Variants in SNX22 observed in about 807,000 individuals in gnomAD.
SNX22 encodes the protein sorting nexin-22.
Under a neutral mutation model 24.7 loss-of-function variants are expected in SNX22, and 23 were observed. The ratio of observed to expected loss-of-function variants is 0.93; its 90% CI spans 0.67 to 1.32. SNX22 has a LOEUF of 1.32. Among genes scored for constraint, SNX22 ranks in the 40% most tolerant of loss-of-function variants. The pLI is 0.00. For missense variants in SNX22, 261 were observed against 249.9 expected, an observed-to-expected ratio of 1.04 and a Z score of -0.30; for synonymous variants, 99 against 104.0, an observed-to-expected ratio of 0.95 and a Z score of 0.29.
At position 64,154,014 on chromosome 15, in the gene SNX22, C is replaced by T; in HGVS notation, c.460+12C>T. On this transcript the variant is annotated intron_variant, in intron 6 of 6. Transcript: ENST00000325881. ...CAACCCCTCCCCAGGTGAGGAGGTG[C>T]CTAGATATGGGGCTACAGGGCTGGG... 1 of 1,614,108 alleles carries T rather than the reference C, an allele frequency of 6.2e-7. No homozygotes were observed. The highest frequency in any genetic ancestry group is 8.5e-7 in the Non-Finnish European group (1 of 1,180,012).
At chr15:64,153,406 G>A (rs1216407534) in intron 4 of SNX22, 67 bp downstream of exon 4, 7 of 1,602,786 alleles carry the variant, frequency 4.4e-6, no homozygotes, top group Admixed American at 3.4e-5. Flanking sequence ...GGTGTTGGAG[G>A]GCAAGCCCTT....
rs1442457931 is a variant in SNX22, at chr15:64,156,986, G to A, written c.*2478G>A. The A allele has an allele frequency of 4.1e-6, 6 of 1,459,328 alleles. No individual in the cohort carries two copies. Among genetic ancestry groups the A allele is most frequent in the Non-Finnish European group, 2.8e-6 (3 of 1,052,774 alleles). 90.4% of individuals were successfully genotyped at this position (1,459,328 alleles called of 1,614,324 possible). A position where few individuals can be genotyped will look rare whatever the true frequency, so the allele number is the denominator to read the frequency against. On this transcript the variant is annotated 3_prime_UTR_variant, in exon 7 of 7. Coordinates refer to ENST00000325881, the MANE Select transcript of SNX22 (RefSeq NM_024798.3). The surrounding 1 kb of genome is among the most constrained non-coding windows in gnomAD (Gnocchi z 6.4). ...CAGACATTCGGGGCCAGGACTGAGG[G>A]GGCTTAACCTGTCCTCTGTGCCAGG...
In SNX22 at chr15:64,151,945, C is replaced by T. The variant is rs988885787; in HGVS notation, c.75+95C>T. 5 of 1,238,450 alleles carry T rather than the reference C, an allele frequency of 4.0e-6. No homozygotes were observed. In the South Asian group the frequency reaches 5.9e-5, roughly 15 times the overall value. The allele number at this position is 1,238,450 out of a possible 1,614,324, so 76.7% of individuals were successfully genotyped here. On this transcript the variant is annotated intron_variant, in intron 1 of 6. Transcript: ENST00000325881. ...GACCCGGGGCCCGGGCCTGGGTGAA[C>T]GAGCGCTGCGGGCTGGACCGTCGGG...
Position 64,151,805 on chromosome 15 carries a change from G to T in SNX22, c.30G>T (p.Gly10=), listed in dbSNP as rs771377300. 4 of 1,537,480 alleles carry T rather than the reference G, an allele frequency of 2.6e-6. No individual in the cohort carries two copies. The highest frequency in any genetic ancestry group is 3.5e-6 in the Non-Finnish European group (4 of 1,144,052). The change falls in exon 1 of 7, where the codon GGG becomes GGT. Residue 10 remains glycine, a synonymous_variant. Coordinates refer to ENST00000325881, the MANE Select transcript of SNX22 (RefSeq NM_024798.3). The part of the protein sequence containing the change: MLEVHIPSV[G]PEAEGPRQSP... The stretch of plus-strand genomic sequence containing the variant: ...TGGAAGTTCACATCCCGTCGGTGGG[G>T]CCCGAGGCCGAGGGGCCCAGGCAGA...
intron 1 of SNX22, 150 bp from the exon 2 acceptor site, chr15:64,152,093 C>T: frequency 3.6e-6 from 3 of 837,618 alleles, no homozygotes; most frequent in Non-Finnish European, 5.1e-6. Flanking sequence ...CCCAGGTGTG[C>T]GGGAGCGGAG....
At chr15:64,152,170 C>A in intron 1 of SNX22, 73 bp from the exon 2 acceptor site, 1 of 1,298,116 alleles carries the variant, frequency 7.7e-7, no homozygotes, top group Non-Finnish European at 9.9e-7. Flanking sequence ...GTGGGCACGT[C>A]GCCAGGCGCA....
rs1205331735 is a variant in SNX22 at position 64,154,868 on chromosome 15, T to A, written c.*360T>A. The A allele has an allele frequency of 6.7e-5, 11 of 164,070 alleles. No homozygotes were observed. The highest frequency in any genetic ancestry group is 1.4e-4 in the Non-Finnish European group (11 of 76,080). The allele number at this position is 164,070 out of a possible 1,614,324, so 10.2% of individuals were successfully genotyped here. A position where few individuals can be genotyped will look rare whatever the true frequency, so the allele number is the denominator to read the frequency against. ...GCCTGACCACCATGGAGAAACCCCG[T>A]CTCTACTAAAAATACAAAATTAGCC... On this transcript the variant is annotated 3_prime_UTR_variant, in exon 7 of 7. Transcript: ENST00000325881.
chr15:64,153,675 G>GCGA lies in SNX22; in HGVS notation c.385_387dup (p.Asp129dup). 6.2e-7 allele frequency: 1 copy of GCGA among 1,614,048 alleles called. No homozygotes were observed. The highest frequency in any genetic ancestry group is 8.5e-7 in the Non-Finnish European group (1 of 1,180,012). ...AGCACCCTGAGGGAGTTCCTGCCTGGCGACAGCAGGCAAGTCAAAGCCCTA... is the reference window on the plus strand; with the variant it reads ...AGCACCCTGAGGGAGTTCCTGCCTGGCGACGACAGCAGGCAAGTCAAAGCCCTA... On this transcript the variant is annotated inframe_insertion, in exon 5 of 7. Coordinates refer to ENST00000325881, the MANE Select transcript of SNX22 (RefSeq NM_024798.3).
chr15:64,152,165 C>T (rs1276589753), intron 1 of SNX22, 78 bp from the exon 2 acceptor site: 3 of 1,267,264 alleles, frequency 2.4e-6, no homozygotes, highest in Non-Finnish European at 3.1e-6. Flanking sequence ...GGAGGGTGGG[C>T]ACGTCGCCAG....
At position 64,155,510 on chromosome 15, in the gene SNX22, C is replaced by CAAAAAAA. The variant is rs3056904; in HGVS notation, c.*1020_*1026dup. On this transcript the variant is annotated 3_prime_UTR_variant, in exon 7 of 7. Transcript: ENST00000325881. ...GCAACATAGTGAGACCTGTCTCTAC[C>CAAAAAAA]AAAAAAAAAAAAAAAAAAAAAAAAT... 1 of 123,940 alleles carries CAAAAAAA rather than the reference C, an allele frequency of 8.1e-6. No homozygotes were observed. The highest frequency in any genetic ancestry group is 4.3e-5 in the African/African-American group (1 of 23,248). The allele number at this position is 123,940 out of a possible 1,614,324, so 7.7% of individuals were successfully genotyped here.
rs1422324117 is a variant in SNX22 at position 64,155,867 on chromosome 15, G to A, written c.*1359G>A. 4.6e-6 allele frequency: 5 copies of A among 1,093,632 alleles called. 1 individual carries two copies. In the Admixed American group the frequency reaches 9.0e-5, roughly 20 times the overall value. The allele number at this position is 1,093,632 out of a possible 1,614,324, so 67.7% of individuals were successfully genotyped here. A position where few individuals can be genotyped will look rare whatever the true frequency, so the allele number is the denominator to read the frequency against. ...TTTTTTTATTGGTCAGTGTTGGTAG[G>A]AGTTTGTTACAAAAGTGAGTCCATG... On this transcript the variant is annotated 3_prime_UTR_variant, in exon 7 of 7. Transcript: ENST00000325881.
intron 3 of SNX22, 56 bp downstream of exon 3, chr15:64,152,798 A>G: frequency 6.6e-7 from 1 of 1,522,838 alleles, no homozygotes; most frequent in East Asian, 2.3e-5. Context: ...GGTGTGGCCC[A>G]GACAGAGAGG....
Position 64,156,294 on chromosome 15 carries a change from C to T in SNX22, c.*1786C>T. The T allele has an allele frequency of 3.9e-6, 4 of 1,020,362 alleles. No individual in the cohort carries two copies. The highest frequency in any genetic ancestry group is 5.9e-6 in the Non-Finnish European group (4 of 672,348). The allele number at this position is 1,020,362 out of a possible 1,614,324, so 63.2% of individuals were successfully genotyped here. A position where few individuals can be genotyped will look rare whatever the true frequency, so the allele number is the denominator to read the frequency against. On this transcript the variant is annotated 3_prime_UTR_variant, in exon 7 of 7. Transcript: ENST00000325881. The surrounding 1 kb of genome is among the most constrained non-coding windows in gnomAD (Gnocchi z 6.4). ...GGAGGCACCAAAATTCTAACAGACT[C>T]CTGGCCAGAGCAGGGAGAATGCAGA...
At position 64,157,164 on chromosome 15, in the gene SNX22, T is replaced by C. The variant is rs112215313; in HGVS notation, c.*2656T>C. On this transcript the variant is annotated 3_prime_UTR_variant, in exon 7 of 7. Transcript: ENST00000325881. This position sits in a 1 kb window ranked among gnomAD's most constrained non-coding sequence, Gnocchi z 4.2. ...AAGGATTACTTTGAGAAGATAGTTT[T>C]GTGGCTTTTAAATAAGGCGCATGTT... 1.8e-5 allele frequency: 10 copies of C among 559,200 alleles called. No individual in the cohort carries two copies. In the African/African-American group the frequency reaches 1.9e-4, roughly 10 times the overall value. 34.6% of individuals were successfully genotyped at this position (559,200 alleles called of 1,614,324 possible).
intron 2 of SNX22, 64 bp downstream of exon 2, chr15:64,152,390 T>C: frequency 6.9e-7 from 1 of 1,444,600 alleles, no homozygotes; most frequent in Non-Finnish European, 9.2e-7. Context: ...GCCCAGGCCC[T>C]GTGAGGCGGG....
chr15:64,152,703 G>A lies in SNX22; in HGVS notation c.225G>A (p.Gly75=), dbSNP rs143180219. 7.4e-6 allele frequency: 12 copies of A among 1,614,118 alleles called. No homozygotes were observed. Among genetic ancestry groups the A allele is most frequent in the Non-Finnish European group, 9.3e-6 (11 of 1,180,054 alleles). The change falls in exon 3 of 7, where the codon GGG becomes GGA. Residue 75 remains glycine (G), a synonymous_variant. Transcript: ENST00000325881. ...SKRLPNWRTR[G]LEQRRQGLEA... is the part of the protein sequence containing the mutation. ...GCCTGCCCAACTGGAGGACCAGAGG[G>A]TTGGAACAGCGCCGGCAGGGCTTGG...
Position 64,156,197 on chromosome 15 carries a change from G to A in SNX22, c.*1689G>A, listed in dbSNP as rs779373821. Reference sequence around the variant, plus strand: ...GGCATGGTGGATCAGGAGGTCCACCGCTCAGGAGAAAGGCCCCAGCGTATG... The same window carrying A: ...GGCATGGTGGATCAGGAGGTCCACCACTCAGGAGAAAGGCCCCAGCGTATG... On this transcript the variant is annotated 3_prime_UTR_variant, in exon 7 of 7. Transcript: ENST00000325881. The surrounding 1 kb of genome is among the most constrained non-coding windows in gnomAD (Gnocchi z 6.4). 5.0e-6 allele frequency: 8 copies of A among 1,608,988 alleles called. No homozygotes were observed. Among genetic ancestry groups the A allele is most frequent in the East Asian group, 2.2e-5 (1 of 44,806 alleles).
chr15:64,156,487 A>G lies in SNX22; in HGVS notation c.*1979A>G. 1.6e-6 allele frequency: 1 copy of G among 631,198 alleles called. No individual in the cohort carries two copies. 39.1% of individuals were successfully genotyped at this position (631,198 alleles called of 1,614,324 possible). ...GGACCAGCACGTCACTGAGTGAAGG[A>G]GGGGAGGGAGGCTCTGGCAGTTGTG... On this transcript the variant is annotated 3_prime_UTR_variant, in exon 7 of 7. Transcript: ENST00000325881. The surrounding 1 kb of genome is among the most constrained non-coding windows in gnomAD (Gnocchi z 6.4).
chr15:64,151,933 G>A, intron 1 of SNX22, 83 bp downstream of exon 1: 1 of 1,330,568 alleles, frequency 7.5e-7, no homozygotes, highest in Non-Finnish European at 1.0e-6. Flanking sequence ...CCGGGGCCCG[G>A]GCCTGGGTGA....
Sources: allele counts gnomAD v4.1 joint callset, GRCh38; gene constraint gnomAD v4.1.1; non-coding constraint Gnocchi (gnomAD v3.1); transcripts MANE v1.5; gene names NCBI Gene and HGNC (gene_info 2026-07-23, HGNC 2026-07-21).